The following PGA5 variants were observed in gnomAD, a reference collection of about 807,000 sequenced individuals.
PGA5 encodes the protein pepsinogen A5, also known as pepsin A-5.
A neutral mutation model predicts 15.9 loss-of-function variants in PGA5; 19 were observed. The ratio of observed to expected loss-of-function variants is 1.19; its 90% CI spans 0.83 to 1.75. The LOEUF is 1.75. PGA5 is among the 40% of genes most tolerant of loss of function. The probability of loss-of-function intolerance (pLI) is 0.00; values close to 1 mark genes in which losing one functional copy is unlikely to be tolerated. For missense variants in PGA5, 224 were observed against 246.4 expected (o/e 0.91, Z 0.61); for synonymous variants, 92 against 95.8 (o/e 0.96, Z 0.23).
chr11:61,247,022 T>A lies in PGA5; in HGVS notation c.656+877T>A, dbSNP rs553331342. On this transcript the variant is annotated intron_variant, in intron 5 of 8. Transcript: ENST00000312403. Reference sequence around the variant, plus strand: ...ACAAAGAATAAACCAAATGTCAGTTTGGGCTGAGTAGAGTGTTATGCAAGA... The same window carrying A: ...ACAAAGAATAAACCAAATGTCAGTTAGGGCTGAGTAGAGTGTTATGCAAGA... Among the ~76,000 whole-genome samples the A allele has an allele frequency of 6.3e-4, 96 of 152,142 alleles. 1 individual carries two copies. Among genetic ancestry groups the A allele is most frequent in the Non-Finnish European group, 1.3e-3 (88 of 68,020 alleles).
chr11:61,245,577 C>T, intron 4 of PGA5: 1 of 6,818 alleles, frequency 1.5e-4, no homozygotes, highest in Non-Finnish European at 3.1e-4. Context: ...ACATGCAGCA[C>T]CCCAAGTCAC....
chr11:61,246,313 G>A (rs1239218883), intron 5 of PGA5, among the ~76,000 whole-genome samples, 168 bp downstream of exon 5: 6 of 147,050 alleles, frequency 4.1e-5, no homozygotes, highest in Non-Finnish European at 7.4e-5. Context: ...GAGAGTAATA[G>A]TGCCAAGTCT....
chr11:61,250,015 G>T lies in PGA5; in HGVS notation c.1017+1G>T, dbSNP rs1210721464. 1.9e-6 allele frequency: 3 copies of T among 1,607,662 alleles called. No homozygotes were observed. In the East Asian group the frequency reaches 6.7e-5, roughly 36 times the overall value. On this transcript the variant is annotated splice_donor_variant, in intron 8 of 8. Coordinates refer to ENST00000312403, the MANE Select transcript of PGA5 (RefSeq NM_014224.5). LOFTEE classifies it high-confidence loss of function. The stretch of plus-strand genomic sequence containing the variant: ...GCCACCCAGTGCCTACATCCTGCAG[G>T]TGAGGAGGCTCTGGACCATCCACTA...
chr11:61,248,110 G>C (rs957247896), intron 5 of PGA5: 15 of 666,938 alleles, frequency 2.2e-5, no homozygotes, highest in Admixed American at 1.2e-4. Flanking sequence ...GGGTACCACG[G>C]TGGAAACCAC....
intron 6 of PGA5, among the ~76,000 whole-genome samples, chr11:61,249,058 G>T (rs998335573): frequency 1.3e-5 from 2 of 152,012 alleles, no homozygotes; most frequent in Non-Finnish European, 2.9e-5. Flanking sequence ...CAGTGGTGTG[G>T]GTTTTCCCAA....
chr11:61,246,640 G>A (rs1482128695), intron 5 of PGA5, among the ~76,000 whole-genome samples: 1 of 151,850 alleles, frequency 6.6e-6, no homozygotes, highest in Non-Finnish European at 1.5e-5. Flanking sequence ...GCAGGCAACT[G>A]TACTCCCAGC....
At chr11:61,249,876 C>A (rs756335034) in intron 7 of PGA5, 40 bp from the exon 8 acceptor site, 1 of 1,613,686 alleles carries the variant, frequency 6.2e-7, no homozygotes, top group Non-Finnish European at 8.5e-7. Context: ...GCAGAAGCGA[C>A]GAAAACCCTT....
chr11:61,249,627 C>T lies in PGA5; in HGVS notation c.774-42C>T, dbSNP rs1237428885. The T allele has an allele frequency of 5.0e-6, 8 of 1,613,524 alleles. No individual in the cohort carries two copies. The South Asian group carries it at 7.7e-5, about 16-fold the overall frequency. Reference sequence around the variant, plus strand: ...CCTGGTTCCTCCTTGGAGAGATGAACCCCTGAGGGCTCAGGGAGCTTAACT... The same window carrying T: ...CCTGGTTCCTCCTTGGAGAGATGAATCCCTGAGGGCTCAGGGAGCTTAACT... On this transcript the variant is annotated intron_variant, in intron 6 of 8. Transcript: ENST00000312403.
chr11:61,246,334 G>A, intron 5 of PGA5, among the ~76,000 whole-genome samples, 189 bp downstream of exon 5: 1 of 149,334 alleles, frequency 6.7e-6, no homozygotes, highest in Non-Finnish European at 1.5e-5. Flanking sequence ...GTCTCTGACG[G>A]GCCATGTGCA....
chr11:61,250,793 A>T (rs1854130386), intron 8 of PGA5: 1 of 536,810 alleles, frequency 1.9e-6, no homozygotes, highest in Non-Finnish European at 3.6e-6. Flanking sequence ...ATGAGATAAG[A>T]ATAATAATGA....
intron 6 of PGA5, among the ~76,000 whole-genome samples, chr11:61,249,134 GA>G (rs963166344): frequency 6.6e-6 from 1 of 151,832 alleles, no homozygotes; most frequent in African/African-American, 2.4e-5. Flanking sequence ...GGCAAACCAG[GA>G]CACATGGATC....
In PGA5 at chr11:61,251,341, G is replaced by C; in HGVS notation, c.*60G>C. The C allele has an allele frequency of 6.2e-7, 1 of 1,610,970 alleles. No individual in the cohort carries two copies. Among genetic ancestry groups the C allele is most frequent in the East Asian group, 2.2e-5 (1 of 44,878 alleles). ...TGGCCTCCGTCCTATGCCCACTTTA[G>C]ATGTATCTAATTCTCCTGACTGTTC... On this transcript the variant is annotated 3_prime_UTR_variant, in exon 9 of 9. Transcript: ENST00000312403.
intron 6 of PGA5, 153 bp from the exon 7 acceptor site, chr11:61,249,516 G>A (rs1030626528): frequency 2.7e-5 from 37 of 1,391,804 alleles, no homozygotes; most frequent in East Asian, 1.2e-4. Flanking sequence ...AAATGAATGC[G>A]GGATGAATGA....
Position 61,246,104 on chromosome 11 carries a change from G to C in PGA5, c.615G>C (p.Gln205His). The C allele has an allele frequency of 2.3e-6, 1 of 437,130 alleles. No individual in the cohort carries two copies. 27.1% of individuals were successfully genotyped at this position (437,130 alleles called of 1,614,324 possible). Residue 205 changes from glutamine (Q) to histidine (H), a missense_variant, in exon 5 of 9, where the codon CAG becomes CAC. Coordinates refer to ENST00000312403, the MANE Select transcript of PGA5 (RefSeq NM_014224.5). ...ATPVFDNIWNQGLVSQDLFSV... is the reference protein window; with the variant it reads ...ATPVFDNIWNHGLVSQDLFSV... ...CCGTCTTTGACAACATCTGGAACCA[G>C]GGCCTGGTTTCTCAGGACCTCTTCT... is the stretch of plus-strand genomic sequence containing the variant.
chr11:61,250,815 AG>A, intron 8 of PGA5: 2 of 593,220 alleles, frequency 3.4e-6, no homozygotes, highest in South Asian at 3.2e-5. Context: ...AAAAGGATGT[AG>A]TGGCAGGGTT....
At chr11:61,250,163 A>C (rs1854120838) in intron 8 of PGA5, 149 bp downstream of exon 8, 1 of 687,266 alleles carries the variant, frequency 1.5e-6, no homozygotes, top group South Asian at 1.8e-5. Flanking sequence ...CCAGAGAAAA[A>C]GAATATATTA....
In PGA5 at chr11:61,249,824, C is replaced by T. The variant is rs755350674; in HGVS notation, c.918+11C>T. 6 of 1,613,700 alleles carry T rather than the reference C, an allele frequency of 3.7e-6. No individual in the cohort carries two copies. In the Admixed American group the frequency reaches 1.0e-4, roughly 27 times the overall value. ...AACTCAGATGGCGACGTGAGTCCAG[C>T]CCCGACTGCCCTGTTCTACACTCAA... On this transcript the variant is annotated intron_variant, in intron 7 of 8. Transcript: ENST00000312403.
chr11:61,248,345 G>A, intron 5 of PGA5, 74 bp from the exon 6 acceptor site: 1 of 1,613,790 alleles, frequency 6.2e-7, no homozygotes, highest in Middle Eastern at 1.7e-4. Context: ...CGGTCGCTCT[G>A]AGGAGGCAAC....
chr11:61,246,564 C>T (rs1368548211), intron 5 of PGA5, among the ~76,000 whole-genome samples: 2 of 151,778 alleles, frequency 1.3e-5, no homozygotes, highest in South Asian at 2.1e-4. Flanking sequence ...GAGTTCAAGA[C>T]CAGCCTGGCC....
Sources: allele counts gnomAD v4.1 joint callset (sites outside exome capture counted in the v4.1 genomes callset), GRCh38; gene constraint gnomAD v4.1.1; transcripts MANE v1.5; gene names NCBI Gene and HGNC (gene_info 2026-07-23, HGNC 2026-07-21).